KDM2B: variants seen among roughly 807,000 people sequenced by gnomAD.
KDM2B encodes the protein lysine demethylase 2B.
In KDM2B, 26 loss-of-function variants were observed where a neutral mutation model predicts 150.0. That is an observed-to-expected ratio of 0.17 (90% CI 0.13 to 0.24). The LOEUF is 0.24. Among genes scored for constraint, KDM2B ranks in the 10% least tolerant of loss-of-function variants. The probability of loss-of-function intolerance (pLI) is 1.00; values close to 1 mark genes in which losing one functional copy is unlikely to be tolerated. For synonymous variants in KDM2B, 734 were observed against 729.5 expected (o/e 1.01, Z -0.10); for missense variants, 1,265 against 1,816.9 (o/e 0.70, Z 5.52).
intron 12 of KDM2B, among the ~76,000 whole-genome samples, chr12:121,490,518 G>C (rs1883233194): frequency 6.6e-6 from 1 of 152,194 alleles, no homozygotes; most frequent in Non-Finnish European, 1.5e-5. Flanking sequence ...CAGCAAGCCA[G>C]CCAGTAGCCA....
At chr12:121,510,150 T>A in intron 10 of KDM2B, 111 bp from the exon 11 acceptor site, 1 of 941,024 alleles carries the variant, frequency 1.1e-6, no homozygotes, top group South Asian at 1.7e-5. Context: ...CCAGCTTCTC[T>A]AACAATCCTA....
chr12:121,439,836 C>T (rs782006817), intron 22 of KDM2B, 21 bp downstream of exon 22: 17 of 1,605,184 alleles, frequency 1.1e-5, no homozygotes, highest in Non-Finnish European at 1.4e-5. Flanking sequence ...TAGGCAGACC[C>T]GATGGGGGCC....
intron 6 of KDM2B, among the ~76,000 whole-genome samples, chr12:121,548,221 C>T (rs1594102099): frequency 6.6e-6 from 1 of 151,984 alleles, no homozygotes; most frequent in African/African-American, 2.4e-5. Context: ...CAGCAGAGAT[C>T]GTGCCACTGC....
chr12:121,503,710 C>G (rs1224765226), intron 11 of KDM2B, among the ~76,000 whole-genome samples: 5 of 152,196 alleles, frequency 3.3e-5, no homozygotes, highest in African/African-American at 1.2e-4. Flanking sequence ...GGGTAGCTGG[C>G]CAAAGCCAGC....
At chr12:121,527,708 T>C (rs1594055163) in intron 8 of KDM2B, among the ~76,000 whole-genome samples, 4 of 151,318 alleles carry the variant, frequency 2.6e-5, no homozygotes, top group African/African-American at 9.7e-5. Context: ...CCATAAATGC[T>C]TGCAGAGAAG....
chr12:121,565,412 G>C (rs1890629579), intron 4 of KDM2B, among the ~76,000 whole-genome samples: 1 of 151,670 alleles, frequency 6.6e-6, no homozygotes, highest in Non-Finnish European at 1.5e-5. Flanking sequence ...CACCTCCTGG[G>C]TTCAAGCAAT....
chr12:121,441,054 C>A lies in KDM2B; in HGVS notation c.3448+16G>T. 1 of 1,613,794 alleles carries A rather than the reference C, an allele frequency of 6.2e-7. No homozygotes were observed. ...ACTGCAGCAGACACACTCGGGGCCA[C>A]TGGCCCAGGGCTCACCAGGCAGCCG... On this transcript the variant is annotated intron_variant, in intron 20 of 22. Coordinates refer to ENST00000377071, the MANE Select transcript of KDM2B (RefSeq NM_032590.5).
Position 121,445,342 on chromosome 12 carries a change from C to A in KDM2B, c.2036G>T (p.Gly679Val), listed in dbSNP as rs781917050. ...CTCCATGAGCATGAGGTTAAACTTG[C>A]CTTCCTCCTCTTCCACCGTGTCTTC... The part of the protein sequence containing the change: ...GKEDTVEEEE[G>V]KFNLMLMECS... The change falls in exon 14 of 23, where the codon GGC becomes GTC. Residue 679 changes from glycine to valine, a missense_variant. Around this residue, in one of 11 missense-constraint regions of KDM2B, gnomAD observed 30 missense variants for 32.0 expected, o/e 0.94. Coordinates refer to ENST00000377071, the MANE Select transcript of KDM2B (RefSeq NM_032590.5). 2 of 1,613,486 alleles carry A rather than the reference C, an allele frequency of 1.2e-6. No individual in the cohort carries two copies. Among genetic ancestry groups the A allele is most frequent in the Admixed American group, 1.7e-5 (1 of 59,966 alleles).
At chr12:121,487,938 T>G (rs1882950706) in intron 12 of KDM2B, among the ~76,000 whole-genome samples, 1 of 151,978 alleles carries the variant, frequency 6.6e-6, no homozygotes, top group Non-Finnish European at 1.5e-5. Flanking sequence ...TGCGCCACCA[T>G]GCCCGGCTAA....
chr12:121,462,254 T>A (rs1879214433), intron 12 of KDM2B, among the ~76,000 whole-genome samples: 1 of 151,886 alleles, frequency 6.6e-6, no homozygotes, highest in Admixed American at 6.6e-5. Context: ...TTTACCAGAG[T>A]GTTGCAGGCC....
intron 12 of KDM2B, among the ~76,000 whole-genome samples, chr12:121,462,486 T>C (rs1396070718): frequency 6.6e-6 from 1 of 151,994 alleles, no homozygotes; most frequent in African/African-American, 2.4e-5. Flanking sequence ...GCCCCTGTCT[T>C]AAAATTTCAC....
chr12:121,457,739 T>TACACACACACACAC (rs138823282), intron 12 of KDM2B, among the ~76,000 whole-genome samples: 3 of 144,994 alleles, frequency 2.1e-5, no homozygotes, highest in African/African-American at 5.1e-5. Flanking sequence ...ATCGGAAACA[T>TACACACACACACAC]ACACACACAC....
intron 8 of KDM2B, among the ~76,000 whole-genome samples, chr12:121,524,360 C>T (rs1267371705): frequency 6.6e-6 from 1 of 152,192 alleles, no homozygotes; most frequent in Non-Finnish European, 1.5e-5. Flanking sequence ...TCCCTGTTCT[C>T]CTGGCAGGTG....
chr12:121,473,220 A>G (rs1880956639), intron 12 of KDM2B, among the ~76,000 whole-genome samples: 1 of 151,570 alleles, frequency 6.6e-6, no homozygotes, highest in East Asian at 2.0e-4. Context: ...GTGAAATCCC[A>G]TCTCTATTAA....
chr12:121,519,256 G>A (rs1433049872), intron 9 of KDM2B, among the ~76,000 whole-genome samples: 1 of 152,248 alleles, frequency 6.6e-6, no homozygotes, highest in African/African-American at 2.4e-5. Flanking sequence ...GCTCATGTAT[G>A]TGATTTTGTG....
chr12:121,514,735 C>A (rs1555304573), intron 9 of KDM2B, among the ~76,000 whole-genome samples: 1 of 148,942 alleles, frequency 6.7e-6, no homozygotes, highest in Non-Finnish European at 1.5e-5. Flanking sequence ...CTTCACTCCC[C>A]TAATCGCACT....
At chr12:121,568,179 G>A (rs1890844950) in intron 4 of KDM2B, among the ~76,000 whole-genome samples, 2 of 151,994 alleles carry the variant, frequency 1.3e-5, no homozygotes, top group Admixed American at 6.6e-5. Flanking sequence ...ATCCAACCAC[G>A]AAACAAAGGC....
chr12:121,577,879 C>T (rs997614364), intron 2 of KDM2B, among the ~76,000 whole-genome samples: 9 of 152,158 alleles, frequency 5.9e-5, no homozygotes, highest in Non-Finnish European at 1.5e-5. Context: ...CTGGAGGCCT[C>T]AGAGGCAACC....
chr12:121,458,398 A>T (rs1302831572), intron 12 of KDM2B, among the ~76,000 whole-genome samples: 1 of 152,162 alleles, frequency 6.6e-6, no homozygotes, highest in African/African-American at 2.4e-5. Context: ...GAATTAAAAA[A>T]ATAAAAACAA....
Sources: allele counts gnomAD v4.1 joint callset (sites outside exome capture counted in the v4.1 genomes callset), GRCh38; gene constraint gnomAD v4.1.1; regional missense constraint gnomAD v4.1.1; transcripts MANE v1.5; gene names NCBI Gene and HGNC (gene_info 2026-07-23, HGNC 2026-07-21).